KHDRBS2: variants seen among roughly 807,000 people sequenced by gnomAD.
KHDRBS2 encodes the protein KH domain-containing, RNA-binding, signal transduction-associated protein 2.
A neutral mutation model predicts 44.3 loss-of-function variants in KHDRBS2; 26 were observed. The observed-to-expected ratio is 0.59, with a 90% CI of 0.43 to 0.81. The LOEUF is 0.81. KHDRBS2 is among the 40% of genes least tolerant of loss of function. The pLI is 0.00. For synonymous variants in KHDRBS2, 194 were observed against 151.1 expected, an observed-to-expected ratio of 1.28 and a Z score of -2.08; for missense variants, 476 against 433.1, an observed-to-expected ratio of 1.10 and a Z score of -0.88.
At chr6:61,771,038 TC>T (rs1476920005) in intron 6 of KHDRBS2, among the ~76,000 whole-genome samples, 17 of 152,252 alleles carry the variant, frequency 1.1e-4, no homozygotes, top group African/African-American at 4.1e-4. Context: ...TATTCAACAT[TC>T]TTAAAGAAAA....
intron 6 of KHDRBS2, among the ~76,000 whole-genome samples, chr6:61,866,975 T>C (rs1797891632): frequency 4.6e-5 from 7 of 152,146 alleles, no homozygotes; most frequent in Admixed American, 3.9e-4. Flanking sequence ...GTTCCAAACT[T>C]TCCCACATTT....
chr6:61,788,517 A>G (rs920194640), intron 6 of KHDRBS2, among the ~76,000 whole-genome samples: 1 of 151,444 alleles, frequency 6.6e-6, no homozygotes, highest in African/African-American at 2.4e-5. Context: ...TTTATGTAGT[A>G]TCTCACATAT....
intron 6 of KHDRBS2, among the ~76,000 whole-genome samples, chr6:61,823,546 G>A (rs568715347): frequency 6.6e-6 from 1 of 152,172 alleles, no homozygotes; most frequent in African/African-American, 2.4e-5. Flanking sequence ...CCAGGATATT[G>A]TCTTAGTATG....
At chr6:61,689,389 G>A (rs1033235899) in intron 8 of KHDRBS2, among the ~76,000 whole-genome samples, 1 of 151,906 alleles carries the variant, frequency 6.6e-6, no homozygotes, top group African/African-American at 2.4e-5. Flanking sequence ...GTAGCCAGCC[G>A]GTCAGAAGTA....
intron 1 of KHDRBS2, among the ~76,000 whole-genome samples, chr6:62,199,482 C>A (rs1397284531): frequency 6.6e-6 from 1 of 152,112 alleles, no homozygotes; most frequent in Non-Finnish European, 1.5e-5. Flanking sequence ...CTCCCATTCA[C>A]AATTACTTCA....
intron 6 of KHDRBS2, among the ~76,000 whole-genome samples, chr6:61,874,348 T>C (rs1412696496): frequency 6.6e-6 from 1 of 152,174 alleles, no homozygotes; most frequent in Non-Finnish European, 1.5e-5. Flanking sequence ...CAACATAGTA[T>C]AAGAATTCAT....
intron 1 of KHDRBS2, among the ~76,000 whole-genome samples, chr6:62,200,237 G>A (rs1404736807): frequency 6.6e-6 from 1 of 152,230 alleles, no homozygotes; most frequent in East Asian, 1.9e-4. Context: ...TGACAAATGG[G>A]ATCTAATTAA....
chr6:62,052,924 A>T (rs1789402230), intron 2 of KHDRBS2, among the ~76,000 whole-genome samples: 1 of 151,910 alleles, frequency 6.6e-6, no homozygotes, highest in African/African-American at 2.4e-5. Flanking sequence ...GGTGTACACA[A>T]TGTAGACTAT....
At chr6:61,907,449 C>T (rs1215176020) in intron 4 of KHDRBS2, among the ~76,000 whole-genome samples, 1 of 152,080 alleles carries the variant, frequency 6.6e-6, no homozygotes, top group Non-Finnish European at 1.5e-5. Flanking sequence ...GTTGCCTGTG[C>T]TTTTTGAAGT....
At chr6:61,606,997 A>G in the KHDRBS2 span, among the ~76,000 whole-genome samples, 126 of 152,346 alleles carry the variant, frequency 8.3e-4, 4 homozygotes, top group South Asian at 0.022. Flanking sequence ...AATTAAAACC[A>G]TAAAATAGAG....
chr6:61,642,495 T>TTA, the KHDRBS2 span, among the ~76,000 whole-genome samples: 2 of 133,992 alleles, frequency 1.5e-5, no homozygotes, highest in African/African-American at 2.8e-5. Flanking sequence ...GTTTCTATAT[T>TTA]AAAAAAAAAA....
chr6:61,869,964 GTTTTTTT>G (rs59518436), intron 6 of KHDRBS2, among the ~76,000 whole-genome samples: 1 of 108,980 alleles, frequency 9.2e-6, no homozygotes, highest in African/African-American at 3.8e-5. Flanking sequence ...CTGCAGGAGT[GTTTTTTT>G]TTTTTTTTTT....
chr6:61,611,072 A>C, the KHDRBS2 span, among the ~76,000 whole-genome samples: 1 of 152,324 alleles, frequency 6.6e-6, no homozygotes, highest in Non-Finnish European at 1.5e-5. Context: ...AATATTTTAT[A>C]AATAATGCAT....
intron 1 of KHDRBS2, among the ~76,000 whole-genome samples, chr6:62,248,848 G>T (rs187695165): frequency 6.6e-6 from 1 of 151,666 alleles, no homozygotes; most frequent in Non-Finnish European, 1.5e-5. Context: ...ACAACTACAG[G>T]GTAAGCGAAG....
chr6:61,597,105 CTTAAACAAAAGTAAGATAGTTTT>C, the KHDRBS2 span, among the ~76,000 whole-genome samples: 1 of 152,164 alleles, frequency 6.6e-6, no homozygotes, highest in African/African-American at 2.4e-5. Context: ...GGAAAAGTAT[CTTAAACAAAAGTAAGATAGTTTT>C]TTATGTAAAC....
chr6:61,752,414 A>T (rs1162919877), intron 6 of KHDRBS2, among the ~76,000 whole-genome samples: 2 of 152,134 alleles, frequency 1.3e-5, no homozygotes, highest in Admixed American at 6.5e-5. Context: ...CTGACTCTAA[A>T]TGCTAGTCTC....
At chr6:62,108,338 T>C (rs1324958304) in intron 2 of KHDRBS2, among the ~76,000 whole-genome samples, 4 of 151,876 alleles carry the variant, frequency 2.6e-5, no homozygotes, top group African/African-American at 9.7e-5. Context: ...AAAAAACACA[T>C]GAAAAAATGC....
At chr6:62,018,305 G>A (rs1246213730) in intron 3 of KHDRBS2, among the ~76,000 whole-genome samples, 3 of 4,850 alleles carry the variant, frequency 6.2e-4, no homozygotes, top group South Asian at 4.3e-3. Context: ...ATATATGTGT[G>A]TGTGTGTGTG....
intron 6 of KHDRBS2, among the ~76,000 whole-genome samples, chr6:61,772,593 T>A (rs1239550709): frequency 6.6e-6 from 1 of 151,944 alleles, no homozygotes; most frequent in South Asian, 2.1e-4. Context: ...GACACATACA[T>A]CCTCTCAAGA....
Sources: allele counts gnomAD v4.1 joint callset (sites outside exome capture counted in the v4.1 genomes callset), GRCh38; gene constraint gnomAD v4.1.1; transcripts MANE v1.5; gene names NCBI Gene and HGNC (gene_info 2026-07-23, HGNC 2026-07-21).